SORCS3: variants seen among roughly 807,000 people sequenced by gnomAD.
The protein encoded by SORCS3 is VPS10 domain-containing receptor SorCS3.
In SORCS3, 57 loss-of-function variants were observed where a neutral mutation model predicts 146.3. The observed-to-expected ratio is 0.39, with a 90% CI of 0.31 to 0.49. SORCS3 has a LOEUF of 0.49. SORCS3 is among the 20% of genes least tolerant of loss of function. The pLI, the probability that SORCS3 is intolerant of heterozygous loss-of-function variation, is 0.92. For missense variants in SORCS3, 1,341 were observed against 1,575.5 expected, an observed-to-expected ratio of 0.85 and a Z score of 2.52; for synonymous variants, 653 against 618.5, an observed-to-expected ratio of 1.06 and a Z score of -0.83.
intron 22 of SORCS3, among the ~76,000 whole-genome samples, chr10:105,248,752 A>C (rs1159333578): frequency 3.9e-5 from 6 of 151,970 alleles, no homozygotes; most frequent in Non-Finnish European, 5.9e-5. Context: ...TATTTGGGAA[A>C]TGGCAAAGAG....
At chr10:105,022,125 T>A (rs1365606619) in intron 4 of SORCS3, among the ~76,000 whole-genome samples, 1 of 152,122 alleles carries the variant, frequency 6.6e-6, no homozygotes, top group Non-Finnish European at 1.5e-5. Flanking sequence ...GGCGACTACA[T>A]GTCATCCCTT....
chr10:104,648,958 G>A (rs570144831), intron 1 of SORCS3, among the ~76,000 whole-genome samples: 187 of 152,206 alleles, frequency 1.2e-3, no homozygotes, highest in South Asian at 4.2e-3. Flanking sequence ...GTAAAACTGT[G>A]CCCTTGGCTA....
At chr10:105,060,010 G>A (rs1341797420) in intron 5 of SORCS3, among the ~76,000 whole-genome samples, 1 of 152,194 alleles carries the variant, frequency 6.6e-6, no homozygotes, top group East Asian at 1.9e-4. Context: ...TGATACAGTA[G>A]GACAAAGACA....
intron 3 of SORCS3, among the ~76,000 whole-genome samples, chr10:104,975,374 A>G (rs944618764): frequency 5.9e-5 from 9 of 151,796 alleles, no homozygotes; most frequent in Admixed American, 4.6e-4. Flanking sequence ...GACCTCTTCA[A>G]GGAGAACTAC....
Position 104,832,759 on chromosome 10 carries a change from G to A in SORCS3, c.628-10033G>A, listed in dbSNP as rs551918074. 1.1e-4 allele frequency among the ~76,000 whole-genome samples: 16 copies of A among 149,772 alleles called. No homozygotes were observed. The South Asian group carries it at 1.1e-3, about 10-fold the overall frequency. On this transcript the variant is annotated intron_variant, in intron 1 of 26. Coordinates refer to ENST00000369701, the MANE Select transcript of SORCS3 (RefSeq NM_014978.3). ...TAAATAAATAAATAAATGAACGAAC[G>A]AACAGGTGTTTTGCCTCTTGGTGAC...
chr10:104,959,404 ACTCT>A (rs534951018), intron 3 of SORCS3, among the ~76,000 whole-genome samples: 3 of 151,822 alleles, frequency 2.0e-5, no homozygotes, highest in Non-Finnish European at 4.4e-5. Context: ...ACCTCAGAGA[ACTCT>A]CTCTCCTCAT....
chr10:104,988,188 G>C (rs1371135156), intron 4 of SORCS3, among the ~76,000 whole-genome samples: 1 of 152,176 alleles, frequency 6.6e-6, no homozygotes, highest in Admixed American at 6.5e-5. Context: ...TCCTAGGCCT[G>C]GCTGAGGTAC....
At chr10:105,043,744 T>C (rs2055352294) in intron 5 of SORCS3, among the ~76,000 whole-genome samples, 1 of 152,154 alleles carries the variant, frequency 6.6e-6, no homozygotes, top group Non-Finnish European at 1.5e-5. Context: ...TTTTCTCATG[T>C]CACATGTGAT....
intron 3 of SORCS3, among the ~76,000 whole-genome samples, chr10:104,944,783 C>A (rs1477518986): frequency 6.6e-6 from 1 of 152,164 alleles, no homozygotes; most frequent in Non-Finnish European, 1.5e-5. Context: ...CTTTAGAAAA[C>A]CGGCAGTGTC....
chr10:105,061,597 C>CT (rs977690486), intron 5 of SORCS3, among the ~76,000 whole-genome samples: 4 of 149,844 alleles, frequency 2.7e-5, no homozygotes, highest in African/African-American at 7.4e-5. Flanking sequence ...GCCTGGCCCC[C>CT]TTTTTTTAAA....
At chr10:104,941,624 C>A (rs1287704402) in intron 3 of SORCS3, among the ~76,000 whole-genome samples, 5 of 152,294 alleles carry the variant, frequency 3.3e-5, no homozygotes, top group African/African-American at 1.2e-4. Flanking sequence ...CTGAGAACTA[C>A]CACTCTCGTT....
chr10:104,705,469 G>A lies in SORCS3; in HGVS notation c.627+63515G>A, dbSNP rs534094660. Among the ~76,000 whole-genome samples, 8 of 151,976 alleles carry A rather than the reference G, an allele frequency of 5.3e-5. No individual in the cohort carries two copies. In the South Asian group the frequency reaches 1.7e-3, roughly 32 times the overall value. ...TTTTTAAGTGACTTACCTTTATCAG[G>A]TCTTTGCAAAACATTTAACTAAACT... is the stretch of plus-strand genomic sequence containing the variant. On this transcript the variant is annotated intron_variant, in intron 1 of 26. Coordinates refer to ENST00000369701, the MANE Select transcript of SORCS3 (RefSeq NM_014978.3).
Position 104,874,223 on chromosome 10 carries a change from A to C in SORCS3, c.695+31364A>C, listed in dbSNP as rs191979845. Among the ~76,000 whole-genome samples, 49 of 69,358 alleles carry C rather than the reference A, an allele frequency of 7.1e-4. 1 individual carries two copies. In the East Asian group the frequency reaches 0.031, roughly 44 times the overall value. The allele number at this position is 69,358 out of a possible 152,430, so 45.5% of individuals were successfully genotyped here. A position where few individuals can be genotyped will look rare whatever the true frequency, so the allele number is the denominator to read the frequency against. On this transcript the variant is annotated intron_variant, in intron 2 of 26. Coordinates refer to ENST00000369701, the MANE Select transcript of SORCS3 (RefSeq NM_014978.3). ...GACATATTTTGACAAATGACAAAAT[A>C]CTGGGCATTTTCAGAGTTTCTAGTT...
intron 14 of SORCS3, among the ~76,000 whole-genome samples, chr10:105,189,204 C>A (rs2056498010): frequency 6.6e-6 from 1 of 152,166 alleles, no homozygotes; most frequent in South Asian, 2.1e-4. Context: ...ACCCATGAAA[C>A]CCATTTTAGA....
intron 3 of SORCS3, among the ~76,000 whole-genome samples, chr10:104,941,225 T>C (rs1278564702): frequency 6.6e-6 from 1 of 152,192 alleles, no homozygotes; most frequent in Non-Finnish European, 1.5e-5. Context: ...CTTTGTGACC[T>C]CCTGTCTCAT....
chr10:105,039,851 G>A (rs145601937), intron 4 of SORCS3, among the ~76,000 whole-genome samples: 2 of 152,242 alleles, frequency 1.3e-5, no homozygotes, highest in East Asian at 1.9e-4. Context: ...CAGGTCGTCC[G>A]TGATGAAACT....
At chr10:104,888,104 G>A (rs1196646144) in intron 2 of SORCS3, among the ~76,000 whole-genome samples, 11 of 152,124 alleles carry the variant, frequency 7.2e-5, no homozygotes, top group East Asian at 1.9e-4. Flanking sequence ...TTTGCTTGCA[G>A]CATTGAGACA....
chr10:105,257,537 G>C (rs565516374), intron 25 of SORCS3, among the ~76,000 whole-genome samples: 1 of 152,070 alleles, frequency 6.6e-6, no homozygotes, highest in Non-Finnish European at 1.5e-5. Flanking sequence ...TATTAGAAAC[G>C]TAAAATTGAA....
chr10:105,164,588 G>A (rs2056296901), intron 12 of SORCS3, among the ~76,000 whole-genome samples: 1 of 152,190 alleles, frequency 6.6e-6, no homozygotes, highest in African/African-American at 2.4e-5. Context: ...GGAGGAACTG[G>A]AATTTTCCCA....
Sources: allele counts gnomAD v4.1 joint callset (sites outside exome capture counted in the v4.1 genomes callset), GRCh38; gene constraint gnomAD v4.1.1; transcripts MANE v1.5; gene names NCBI Gene and HGNC (gene_info 2026-07-23, HGNC 2026-07-21).